CAPS2: variants seen among roughly 807,000 people sequenced by gnomAD.
CAPS2 encodes calcyphosine 2.
A neutral mutation model predicts 86.5 loss-of-function variants in CAPS2; 98 were observed. The observed-to-expected ratio is 1.13, with a 90% CI of 0.96 to 1.34. CAPS2 has a LOEUF of 1.34. Ranked by LOEUF, CAPS2 falls within the 40% of genes most tolerant of loss-of-function variation. CAPS2 has a pLI of 0.00. For missense variants in CAPS2, 729 were observed against 686.8 expected (o/e 1.06, Z -0.69); for synonymous variants, 210 against 225.1 (o/e 0.93, Z 0.60).
chr12:75,369,836 T>C (rs2044241332), intron 1 of CAPS2: 1 of 1,327,734 alleles, frequency 7.5e-7, no homozygotes. Context: ...AGTTTCATTT[T>C]CTTGTTAAAA....
downstream of CAPS2, chr12:75,276,300 C>G (rs1403989570): frequency 8.5e-6 from 13 of 1,524,146 alleles, no homozygotes; most frequent in Non-Finnish European, 1.1e-5. Flanking sequence ...GCAAGCACTA[C>G]AAACTATAAT....
At chr12:75,301,657 A>G (rs1043216129) in intron 8 of CAPS2, among the ~76,000 whole-genome samples, 2 of 152,218 alleles carry the variant, frequency 1.3e-5, no homozygotes, top group African/African-American at 4.8e-5. Flanking sequence ...CCAGGGCCAT[A>G]TGATTAGTAA....
chr12:75,289,687 A>G, exon 14 of CAPS2: 2 of 1,613,392 alleles, frequency 1.2e-6, no homozygotes, highest in Non-Finnish European at 1.7e-6. Flanking sequence ...CTAAAAGTCC[A>G]TTTCCTTCCT....
intron 1 of CAPS2, among the ~76,000 whole-genome samples, chr12:75,378,296 G>C (rs1001953727): frequency 6.6e-6 from 1 of 152,136 alleles, no homozygotes; most frequent in Non-Finnish European, 1.5e-5. Context: ...CACTGCGCCT[G>C]GCCGATTGGT....
At chr12:75,374,579 T>C (rs1014739282) in intron 1 of CAPS2, among the ~76,000 whole-genome samples, 4 of 152,178 alleles carry the variant, frequency 2.6e-5, no homozygotes, top group Non-Finnish European at 5.9e-5. Context: ...TTCTCACTCA[T>C]TGGGTCCAAT....
upstream of CAPS2, chr12:75,329,798 C>A (rs777390362): frequency 1.3e-6 from 2 of 1,524,754 alleles, no homozygotes; most frequent in African/African-American, 2.8e-5. Flanking sequence ...CCATCACTCC[C>A]CCTGCTCCCA....
intron 1 of CAPS2, among the ~76,000 whole-genome samples, chr12:75,358,109 C>G (rs949757966): frequency 6.6e-6 from 1 of 150,774 alleles, no homozygotes; most frequent in East Asian, 1.9e-4. Context: ...CCATACTGAT[C>G]AAAAAAAGAT....
chr12:75,337,822 T>C (rs1228520374), intron 1 of CAPS2, among the ~76,000 whole-genome samples: 1 of 152,024 alleles, frequency 6.6e-6, no homozygotes, highest in African/African-American at 2.4e-5. Flanking sequence ...TTTCTATTAT[T>C]ATTTTTCGAC....
chr12:75,299,055 G>A (rs2037380414), intron 9 of CAPS2, 89 bp from the exon 10 acceptor site: 1 of 825,286 alleles, frequency 1.2e-6, no homozygotes, highest in Middle Eastern at 3.8e-4. Context: ...AAGAAGGATA[G>A]CTAACTCTCT....
chr12:75,340,397 TAAGAA>T (rs1447615507), intron 1 of CAPS2, among the ~76,000 whole-genome samples: 1 of 151,322 alleles, frequency 6.6e-6, no homozygotes, highest in South Asian at 2.1e-4. Flanking sequence ...TTAATGCCTA[TAAGAA>T]AAGAAAAAAC....
chr12:75,315,007 T>A (rs2039612993), intron 6 of CAPS2, among the ~76,000 whole-genome samples: 1 of 152,158 alleles, frequency 6.6e-6, no homozygotes, highest in Admixed American at 6.5e-5. Flanking sequence ...AGTTTAAAAT[T>A]AAATAAAGAA....
chr12:75,298,029 A>C (rs2037194721), intron 11 of CAPS2, among the ~76,000 whole-genome samples: 1 of 152,188 alleles, frequency 6.6e-6, no homozygotes, highest in Non-Finnish European at 1.5e-5. Flanking sequence ...AAAAGCAGGG[A>C]ATGAGTCTAA....
intron 15 of CAPS2, among the ~76,000 whole-genome samples, chr12:75,284,345 A>G (rs929313443): frequency 3.3e-5 from 5 of 152,210 alleles, no homozygotes; most frequent in African/African-American, 1.2e-4. Context: ...AAGAAAAAAG[A>G]TAACTATAGT....
At chr12:75,355,259 C>A (rs2043077931) in intron 1 of CAPS2, among the ~76,000 whole-genome samples, 1 of 152,124 alleles carries the variant, frequency 6.6e-6, no homozygotes, top group Admixed American at 6.5e-5. Context: ...CCAGAATCTA[C>A]AAGGAACTTA....
intron 1 of CAPS2, chr12:75,347,549 A>C: frequency 1.1e-6 from 1 of 901,908 alleles, no homozygotes; most frequent in Non-Finnish European, 1.8e-6. Context: ...CAAAGATTAT[A>C]CCAATTCTCT....
intron 1 of CAPS2, among the ~76,000 whole-genome samples, chr12:75,336,295 A>G (rs1418821911): frequency 6.6e-6 from 1 of 151,864 alleles, no homozygotes; most frequent in African/African-American, 2.4e-5. Context: ...ACAAAAGAAC[A>G]AAGAGGGAAT....
exon 11 of CAPS2, chr12:75,298,690 A>G: frequency 6.2e-7 from 1 of 1,612,914 alleles, no homozygotes; most frequent in Non-Finnish European, 8.5e-7. Context: ...CACTTACAAC[A>G]TAAAAATCAC....
intron 15 of CAPS2, 38 bp from the exon 16 acceptor site, chr12:75,282,385 T>C (rs768014676): frequency 1.5e-6 from 2 of 1,359,884 alleles, no homozygotes; most frequent in Non-Finnish European, 2.1e-6. Context: ...GTTTGTTGGT[T>C]GGTTGTTTTG....
chr12:75,333,969 G>A (rs2041527422), upstream of CAPS2: 1 of 152,168 alleles, frequency 6.6e-6, no homozygotes, highest in South Asian at 2.1e-4. Context: ...ACAATCAAAT[G>A]TACTCTGTCC....
Sources: gnomAD v4.1 joint callset for allele counts (sites outside exome capture counted in the v4.1 genomes callset) on GRCh38, gnomAD v4.1.1 for gene constraint, MANE v1.5 for transcripts, NCBI Gene and HGNC (gene_info 2026-07-23, HGNC 2026-07-21) for gene names.